Variants in FAM20B observed in about 807,000 individuals in gnomAD.
The protein encoded by FAM20B is glycosaminoglycan xylosylkinase.
FAM20B carries 23 observed loss-of-function variants against 43.8 expected under a neutral mutation model. The observed-to-expected ratio is 0.53, with a 90% CI of 0.38 to 0.74. The LOEUF (loss-of-function observed/expected upper bound fraction) is 0.74. FAM20B is among the 30% of genes least tolerant of loss of function. The probability of loss-of-function intolerance (pLI) is 0.00; values close to 1 mark genes in which losing one functional copy is unlikely to be tolerated. For synonymous variants in FAM20B, 178 were observed against 192.4 expected, an observed-to-expected ratio of 0.93 and a Z score of 0.62; for missense variants, 440 against 510.5, an observed-to-expected ratio of 0.86 and a Z score of 1.33.
rs1651976510 is a variant in FAM20B, at chr1:179,072,708, C to T, written c.*564C>T. 1 of 152,416 alleles carries T rather than the reference C, an allele frequency of 6.6e-6. No homozygotes were observed. Among genetic ancestry groups the T allele is most frequent in the Non-Finnish European group, 1.5e-5 (1 of 68,276 alleles). 9.4% of individuals were successfully genotyped at this position (152,416 alleles called of 1,614,324 possible). A position where few individuals can be genotyped will look rare whatever the true frequency, so the allele number is the denominator to read the frequency against. ...ATAGAATTGGAGGGAAGGACAAAAA[C>T]AGAAAAATGTTTGGGCTTTTAAGCC... On this transcript the variant is annotated 3_prime_UTR_variant, in exon 8 of 8. Coordinates refer to ENST00000263733, the MANE Select transcript of FAM20B (RefSeq NM_014864.4).
intron 1 of FAM20B, among the ~76,000 whole-genome samples, chr1:179,027,700 A>G (rs1412290560): frequency 6.6e-6 from 1 of 152,228 alleles, no homozygotes; most frequent in Non-Finnish European, 1.5e-5. Context: ...TGATCAAGAC[A>G]TCTTGGAGTT....
intron 1 of FAM20B, among the ~76,000 whole-genome samples, chr1:179,038,238 G>C (rs1650331966): frequency 6.6e-6 from 1 of 151,996 alleles, no homozygotes; most frequent in South Asian, 2.1e-4. Context: ...GAGAAACCCT[G>C]TCTCTACTAA....
chr1:179,045,915 A>G (rs1352285446), intron 2 of FAM20B, among the ~76,000 whole-genome samples: 1 of 151,906 alleles, frequency 6.6e-6, no homozygotes, highest in East Asian at 1.9e-4. Context: ...CAAAAAACAA[A>G]AAAAAACCGT....
At chr1:179,047,651 C>T (rs1221910228) in intron 2 of FAM20B, among the ~76,000 whole-genome samples, 1 of 152,206 alleles carries the variant, frequency 6.6e-6, no homozygotes, top group Non-Finnish European at 1.5e-5. Context: ...TGCTTTATAT[C>T]AGGAAATATC....
At chr1:179,067,295 A>G (rs1651730988) in intron 7 of FAM20B, among the ~76,000 whole-genome samples, 1 of 152,228 alleles carries the variant, frequency 6.6e-6, no homozygotes, top group Non-Finnish European at 1.5e-5. Flanking sequence ...ACCAAAAGTA[A>G]CTTTTTCCAT....
intron 4 of FAM20B, 41 bp from the exon 5 acceptor site, chr1:179,063,886 G>T (rs190818638): frequency 6.8e-7 from 1 of 1,480,188 alleles, no homozygotes; most frequent in East Asian, 2.3e-5. Context: ...TGGAGTCTTC[G>T]TTATTTCCTT....
At chr1:179,056,157 G>GT (rs943866786) in intron 4 of FAM20B, among the ~76,000 whole-genome samples, 1 of 152,100 alleles carries the variant, frequency 6.6e-6, no homozygotes, top group African/African-American at 2.4e-5. Flanking sequence ...AGACTCCATA[G>GT]TTTACATTCC....
At position 179,043,793 on chromosome 1, in the gene FAM20B, GCT is replaced by G; in HGVS notation, c.-51_-50del. 1 of 1,509,176 alleles carries G rather than the reference GCT, an allele frequency of 6.6e-7. No homozygotes were observed. Among genetic ancestry groups the G allele is most frequent in the Admixed American group, 2.0e-5 (1 of 49,678 alleles). The allele number at this position is 1,509,176 out of a possible 1,614,324, so 93.5% of individuals were successfully genotyped here. A position where few individuals can be genotyped will look rare whatever the true frequency, so the allele number is the denominator to read the frequency against. On this transcript the variant is annotated 5_prime_UTR_variant, in exon 2 of 8. Transcript: ENST00000263733. The stretch of plus-strand genomic sequence containing the variant: ...ATCTCCTTGCTAACCATCACCACCA[GCT>G]CTCCTTAATACATGAGCAAGAGTGG...
intron 6 of FAM20B, among the ~76,000 whole-genome samples, chr1:179,066,183 C>T (rs1038695820): frequency 3.9e-5 from 6 of 152,148 alleles, no homozygotes; most frequent in Non-Finnish European, 7.3e-5. Context: ...TTAAGGTGAG[C>T]CTCTGGAAAG....
chr1:179,033,196 A>G (rs1650079637), intron 1 of FAM20B, among the ~76,000 whole-genome samples: 1 of 152,226 alleles, frequency 6.6e-6, no homozygotes, highest in African/African-American at 2.4e-5. Flanking sequence ...TAAACCGGAC[A>G]TGTGTCAGTG....
chr1:179,050,122 C>T, intron 2 of FAM20B, among the ~76,000 whole-genome samples, 157 bp from the exon 3 acceptor site: 1 of 152,332 alleles, frequency 6.6e-6, no homozygotes. Flanking sequence ...ATTCCATCTA[C>T]CGGCAATTCA....
At chr1:179,030,722 T>G (rs778804146) in intron 1 of FAM20B, among the ~76,000 whole-genome samples, 6 of 152,160 alleles carry the variant, frequency 3.9e-5, no homozygotes, top group Non-Finnish European at 7.3e-5. Context: ...ACCCTAAAGG[T>G]CTTTCTCCTT....
rs767476826 is a variant in FAM20B at position 179,064,347 on chromosome 1, G to A, written c.789G>A (p.Thr263=). The A allele has an allele frequency of 5.0e-6, 8 of 1,613,518 alleles. No individual in the cohort carries two copies. The South Asian group carries it at 5.5e-5, about 11-fold the overall frequency. The change falls in exon 6 of 8, where the codon ACG becomes ACA. Residue 263 remains threonine (T), a synonymous_variant. Transcript: ENST00000263733. ...DESYCDAVKK[T]SPYDSGPRLL... ...GCTACTGTGATGCTGTGAAGAAAAC[G>A]TCCCCTTATGACTCTGGCCCGCGCC...
intron 4 of FAM20B, among the ~76,000 whole-genome samples, chr1:179,057,186 A>G (rs1651256187): frequency 6.6e-6 from 1 of 152,078 alleles, no homozygotes; most frequent in South Asian, 2.1e-4. Flanking sequence ...CTCTACTAAA[A>G]ACACGAAAAT....
chr1:179,018,168 T>C, the FAM20B span, among the ~76,000 whole-genome samples: 1 of 152,280 alleles, frequency 6.6e-6, no homozygotes, highest in East Asian at 1.9e-4. Context: ...TGTGCCTGGG[T>C]CCTGGGAGAA....
chr1:179,055,468 C>A (rs185067982), intron 4 of FAM20B, among the ~76,000 whole-genome samples: 14 of 152,282 alleles, frequency 9.2e-5, no homozygotes. Flanking sequence ...GGACTTATGA[C>A]AGATTCATCA....
Position 179,050,259 on chromosome 1 carries a change from G to A in FAM20B, c.378-20G>A. On this transcript the variant is annotated intron_variant, in intron 2 of 7. Coordinates refer to ENST00000263733, the MANE Select transcript of FAM20B (RefSeq NM_014864.4). ...TGGTGTAATCCACGTATACATCTGT[G>A]CTTCCCATTCACTTTGCAGGTATAG... 1.9e-6 allele frequency: 3 copies of A among 1,576,704 alleles called. No homozygotes were observed. The highest frequency in any genetic ancestry group is 1.7e-6 in the Non-Finnish European group (2 of 1,146,178).
chr1:179,046,954 C>CA, intron 2 of FAM20B, among the ~76,000 whole-genome samples: 1 of 152,232 alleles, frequency 6.6e-6, no homozygotes, highest in African/African-American at 2.4e-5. Flanking sequence ...GAGATCACGC[C>CA]ATTGCACTCC....
At chr1:179,023,996 T>A (rs140649211), upstream of FAM20B, among the ~76,000 whole-genome samples, 585 of 152,260 alleles carry the variant, frequency 3.8e-3, 2 homozygotes, top group Non-Finnish European at 4.0e-3. Context: ...GGCACGGTGC[T>A]GGTGCTATGC....
Sources: allele counts gnomAD v4.1 joint callset (sites outside exome capture counted in the v4.1 genomes callset), GRCh38; gene constraint gnomAD v4.1.1; transcripts MANE v1.5; gene names NCBI Gene and HGNC (gene_info 2026-07-23, HGNC 2026-07-21).